Variants in NAALADL2 observed in about 807,000 individuals in gnomAD.
The protein encoded by NAALADL2 is inactive N-acetylated-alpha-linked acidic dipeptidase-like protein 2.
Under a neutral mutation model 87.2 loss-of-function variants are expected in NAALADL2, and 76 were observed. That is an observed-to-expected ratio of 0.87 (90% confidence interval 0.72 to 1.05). NAALADL2 has a LOEUF of 1.05. NAALADL2 is among the 50% of genes least tolerant of loss of function. The pLI is 0.00. For synonymous variants in NAALADL2, 354 were observed against 331.0 expected (o/e 1.07, Z -0.75); for missense variants, 1,089 against 945.8 (o/e 1.15, Z -1.99).
intron 9 of NAALADL2, among the ~76,000 whole-genome samples, chr3:175,528,667 C>T (rs778054115): frequency 1.3e-5 from 2 of 152,132 alleles, no homozygotes; most frequent in Non-Finnish European, 2.9e-5. Context: ...ATAATTATGC[C>T]TAACATAATA....
At chr3:175,550,767 G>T (rs1714202822) in intron 9 of NAALADL2, among the ~76,000 whole-genome samples, 1 of 152,120 alleles carries the variant, frequency 6.6e-6, no homozygotes, top group African/African-American at 2.4e-5. Flanking sequence ...TCTGGAGGGG[G>T]AACTTCCAAT....
At chr3:175,218,601 T>G (rs6443291) in intron 2 of NAALADL2, among the ~76,000 whole-genome samples, 41,582 of 151,952 alleles carry the variant, frequency 0.27, 6,939 homozygotes, top group African/African-American at 0.46. Context: ...CCCTCAAATA[T>G]AACAGTTATT....
rs369821809 is a variant in NAALADL2 at position 174,991,561 on chromosome 3, T to A, written c.44-105229T>A. On this transcript the variant is annotated intron_variant, in intron 1 of 13. Transcript: ENST00000454872. ...ATCAGATGTGTCCTGCATCTTATTC[T>A]GAAACTCATCGCCCTATGTACAGAA... Among the ~76,000 whole-genome samples, 20 of 152,102 alleles carry A rather than the reference T, an allele frequency of 1.3e-4. 1 individual carries two copies. The East Asian group carries it at 2.3e-3, about 18-fold the overall frequency.
intron 11 of NAALADL2, among the ~76,000 whole-genome samples, chr3:175,664,570 ACT>A (rs1210149282): frequency 6.6e-6 from 1 of 150,916 alleles, no homozygotes; most frequent in African/African-American, 2.5e-5. Flanking sequence ...TGCTGAAAAG[ACT>A]CTGAATAAAA....
At chr3:175,102,803 A>G (rs1403899229) in intron 2 of NAALADL2, among the ~76,000 whole-genome samples, 1 of 152,144 alleles carries the variant, frequency 6.6e-6, no homozygotes, top group African/African-American at 2.4e-5. Flanking sequence ...TAACTCTTCA[A>G]AACATTTAGA....
chr3:175,329,103 C>G (rs1437972985), intron 5 of NAALADL2, among the ~76,000 whole-genome samples: 1 of 152,200 alleles, frequency 6.6e-6, no homozygotes, highest in East Asian at 1.9e-4. Flanking sequence ...AACTGGTAAT[C>G]TATTTACTAC....
At chr3:174,959,232 A>T (rs927949058) in intron 1 of NAALADL2, among the ~76,000 whole-genome samples, 1 of 152,074 alleles carries the variant, frequency 6.6e-6, no homozygotes. Flanking sequence ...TTAGGGACTC[A>T]GCTGACATGA....
chr3:174,800,526 G>A (rs976217269), intron 3 of NAALADL2, among the ~76,000 whole-genome samples: 2 of 152,156 alleles, frequency 1.3e-5, no homozygotes, highest in African/African-American at 4.8e-5. Flanking sequence ...GTATAGAGGT[G>A]GGGCCCTCAT....
chr3:175,682,289 A>T lies in NAALADL2; in HGVS notation c.1896+54903A>T, dbSNP rs201780009. Among the ~76,000 whole-genome samples, 71 of 152,200 alleles carry T rather than the reference A, an allele frequency of 4.7e-4. No homozygotes were observed. The East Asian group carries it at 0.013, about 29-fold the overall frequency. ...ATAAAATTTTATAACATATGTGTTT[A>T]TTCTAAATTTAAGAAATAAGAATAG... On this transcript the variant is annotated intron_variant, in intron 11 of 13. Transcript: ENST00000454872.
At chr3:174,772,643 A>C (rs1322301158) in intron 3 of NAALADL2, among the ~76,000 whole-genome samples, 1 of 152,198 alleles carries the variant, frequency 6.6e-6, no homozygotes, top group African/African-American at 2.4e-5. Flanking sequence ...TGACCTAACT[A>C]TAGGTGTACT....
At chr3:174,451,101 A>G (rs996697275) in intron 1 of NAALADL2, among the ~76,000 whole-genome samples, 1 of 152,198 alleles carries the variant, frequency 6.6e-6, no homozygotes, top group African/African-American at 2.4e-5. Flanking sequence ...GTGTTTGTAC[A>G]GAAAGGGTTG....
chr3:175,141,765 T>C (rs1034410881), intron 2 of NAALADL2, among the ~76,000 whole-genome samples: 1 of 152,082 alleles, frequency 6.6e-6, no homozygotes, highest in East Asian at 1.9e-4. Flanking sequence ...AACAAACTAA[T>C]TTTGAGCTAA....
intron 1 of NAALADL2, among the ~76,000 whole-genome samples, chr3:174,454,799 CA>C (rs1715717519): frequency 6.6e-6 from 1 of 151,986 alleles, no homozygotes; most frequent in Non-Finnish European, 1.5e-5. Context: ...CTCAATTTAA[CA>C]ACCTAACATC....
At chr3:174,769,295 GT>G (rs896428522) in intron 3 of NAALADL2, among the ~76,000 whole-genome samples, 1 of 151,584 alleles carries the variant, frequency 6.6e-6, no homozygotes, top group Non-Finnish European at 1.5e-5. Flanking sequence ...TTCAGGTATA[GT>G]TTTTTTTCTG....
chr3:174,534,283 C>A (rs2108448431), intron 1 of NAALADL2, among the ~76,000 whole-genome samples: 1 of 151,356 alleles, frequency 6.6e-6, no homozygotes, highest in East Asian at 1.9e-4. Flanking sequence ...ATAAATATTT[C>A]ACAATATAAA....
intron 1 of NAALADL2, among the ~76,000 whole-genome samples, chr3:174,962,018 A>C (rs1437703323): frequency 2.0e-5 from 3 of 151,966 alleles, no homozygotes; most frequent in Admixed American, 2.0e-4. Flanking sequence ...AAGACCATGA[A>C]GATTTTGTCT....
intron 2 of NAALADL2, among the ~76,000 whole-genome samples, chr3:174,659,557 A>G (rs1384190420): frequency 1.3e-5 from 2 of 152,068 alleles, no homozygotes; most frequent in Non-Finnish European, 2.9e-5. Flanking sequence ...CTTTAGATTC[A>G]TTCTCCTTCT....
At chr3:174,565,023 T>A (rs534417321) in intron 2 of NAALADL2, among the ~76,000 whole-genome samples, 1 of 152,146 alleles carries the variant, frequency 6.6e-6, no homozygotes, top group Non-Finnish European at 1.5e-5. Context: ...TTCTTCTGAA[T>A]TTTCCAATTT....
chr3:175,663,952 C>T (rs1477206350), intron 11 of NAALADL2, among the ~76,000 whole-genome samples: 1 of 151,862 alleles, frequency 6.6e-6, no homozygotes, highest in Non-Finnish European at 1.5e-5. Flanking sequence ...AGTGATTAAT[C>T]CTTTTGAGAC....
Sources: gnomAD v4.1 joint callset for allele counts (sites outside exome capture counted in the v4.1 genomes callset) on GRCh38, gnomAD v4.1.1 for gene constraint, MANE v1.5 for transcripts, NCBI Gene and HGNC (gene_info 2026-07-23, HGNC 2026-07-21) for gene names.